Variants in RAB11FIP4 observed in about 807,000 individuals in gnomAD.
The protein encoded by RAB11FIP4 is RAB11 family interacting protein 4.
A neutral mutation model predicts 74.3 loss-of-function variants in RAB11FIP4; 23 were observed. That is an observed-to-expected ratio of 0.31 (90% confidence interval 0.22 to 0.44). The LOEUF is 0.44. RAB11FIP4 is among the 20% of genes least tolerant of loss of function. RAB11FIP4 has a pLI of 1.00. For missense variants in RAB11FIP4, 630 were observed against 863.9 expected (o/e 0.73, Z 3.39); for synonymous variants, 360 against 359.9 (o/e 1.00, Z 0.00).
intron 4 of RAB11FIP4, among the ~76,000 whole-genome samples, chr17:31,518,180 T>G (rs535876514): frequency 6.6e-6 from 1 of 152,158 alleles, no homozygotes; most frequent in South Asian, 2.1e-4. Context: ...ATGAGATATA[T>G]GATCTCAATT....
Position 31,528,490 on chromosome 17 carries a change from AAGCTGCGACAGAACC to A in RAB11FIP4, c.1442_1456del (p.Lys481_Arg486delinsSer). 1.2e-6 allele frequency: 2 copies of A among 1,613,826 alleles called. No homozygotes were observed. The highest frequency in any genetic ancestry group is 1.7e-6 in the Non-Finnish European group (2 of 1,180,038). On this transcript the variant is annotated inframe_deletion, in exon 12 of 15. Transcript: ENST00000621161. ...GGACCTGTACAAGCGCATGATGGACAAGCTGCGACAGAACCGCCTTGAGTTCCAGAAGGAGCGGGA... is the reference window on the plus strand; with the variant it reads ...GGACCTGTACAAGCGCATGATGGACAGCCTTGAGTTCCAGAAGGAGCGGGA...
intron 3 of RAB11FIP4, among the ~76,000 whole-genome samples, chr17:31,450,089 C>T (rs561546897): frequency 6.6e-6 from 1 of 152,154 alleles, no homozygotes; most frequent in African/African-American, 2.4e-5. Flanking sequence ...AACAATGGAA[C>T]TTATCCCTCC....
intron 3 of RAB11FIP4, among the ~76,000 whole-genome samples, chr17:31,501,159 A>C (rs1011206580): frequency 6.6e-6 from 1 of 152,106 alleles, no homozygotes; most frequent in South Asian, 2.1e-4. Flanking sequence ...CAGTATTTCA[A>C]ACTAATCGTG....
At chr17:31,488,302 C>T in intron 3 of RAB11FIP4, 2 of 1,174,030 alleles carry the variant, frequency 1.7e-6, no homozygotes, top group South Asian at 4.2e-5. Context: ...CTGGCGCTCG[C>T]AGGGCTCCGG....
Position 31,459,422 on chromosome 17 carries a change from C to G in RAB11FIP4, c.336+25300C>G, listed in dbSNP as rs114096888. The stretch of plus-strand genomic sequence containing the variant: ...TCACTAGATTCTTAACTCCAGGAGG[C>G]CAGATACTCTCATTCCTCTCTGTAC... On this transcript the variant is annotated intron_variant, in intron 3 of 14. Coordinates refer to ENST00000621161, the MANE Select transcript of RAB11FIP4 (RefSeq NM_032932.6). Among the ~76,000 whole-genome samples, 669 of 152,206 alleles carry G rather than the reference C, an allele frequency of 4.4e-3. 6 individuals carry two copies. The highest frequency in any genetic ancestry group is 0.015 in the African/African-American group (633 of 41,506).
chr17:31,465,645 C>T (rs2071677705), intron 3 of RAB11FIP4: 1 of 151,866 alleles, frequency 6.6e-6, no homozygotes, highest in East Asian at 1.9e-4. Context: ...GATCGGGTAT[C>T]TACACTGAGT....
chr17:31,537,926 T>G lies in RAB11FIP4; in HGVS notation c.*6194T>G, dbSNP rs1464367400. On this transcript the variant is annotated 3_prime_UTR_variant, in exon 15 of 15. Transcript: ENST00000621161. ...GGAATGAACTACACATGTGGCCTCA[T>G]GCCCAAGGGTTTGTTAGATGGCCTC... is the stretch of plus-strand genomic sequence containing the variant. 1 of 152,692 alleles carries G rather than the reference T, an allele frequency of 6.5e-6. No homozygotes were observed. The highest frequency in any genetic ancestry group is 1.9e-4 in the East Asian group (1 of 5,196). The allele number at this position is 152,692 out of a possible 1,614,324, so 9.5% of individuals were successfully genotyped here.
In RAB11FIP4 at chr17:31,521,926, C is replaced by T; in HGVS notation, c.770C>T (p.Thr257Met). The change falls in exon 6 of 15, where the codon ACG becomes ATG. Residue 257 changes from threonine (T) to methionine (M), a missense_variant. Transcript: ENST00000621161. ...GSSVSSSAGQTPRKMRHVYNS... is the reference protein window; with the variant it reads ...GSSVSSSAGQMPRKMRHVYNS... The stretch of plus-strand genomic sequence containing the variant: ...CCCTCATGAATCAGTGCGGGGCAGA[C>T]GCCTAGGAAAATGCGGCACGTGTAC... 6.2e-7 allele frequency: 1 copy of T among 1,614,156 alleles called. No homozygotes were observed. Among genetic ancestry groups the T allele is most frequent in the Non-Finnish European group, 8.5e-7 (1 of 1,180,026 alleles).
At chr17:31,517,519 G>A in intron 3 of RAB11FIP4, 132 bp from the exon 4 acceptor site, 1 of 784,714 alleles carries the variant, frequency 1.3e-6, no homozygotes, top group South Asian at 1.7e-5. Context: ...CCCACGCTTA[G>A]GGTTCGGGAT....
At chr17:31,486,553 C>G (rs2071904163) in intron 3 of RAB11FIP4, among the ~76,000 whole-genome samples, 1 of 152,342 alleles carries the variant, frequency 6.6e-6, no homozygotes, top group Admixed American at 6.5e-5. Context: ...ACTGGGATTA[C>G]AGGCATGAGC....
rs148817689 is a variant in RAB11FIP4, at chr17:31,480,871, G to A, written c.337-36780G>A. ...TCTCTCTATGCCCATACCCTGCTTT[G>A]TTTTTCTTCAGAGCACATATTATAT... On this transcript the variant is annotated intron_variant, in intron 3 of 14. Transcript: ENST00000621161. 1.3e-4 allele frequency among the ~76,000 whole-genome samples: 20 copies of A among 148,702 alleles called. No homozygotes were observed. The East Asian group carries it at 4.0e-3, about 30-fold the overall frequency.
At chr17:31,403,096 G>GC (rs1226164742) in intron 1 of RAB11FIP4, among the ~76,000 whole-genome samples, 43 of 92,772 alleles carry the variant, frequency 4.6e-4, no homozygotes, top group South Asian at 1.2e-3. Context: ...TCACCGCCCC[G>GC]CCCCCCCGCC....
intron 1 of RAB11FIP4, 64 bp downstream of exon 1, chr17:31,392,075 A>G (rs1483951784): frequency 4.9e-6 from 4 of 815,170 alleles, no homozygotes; most frequent in Non-Finnish European, 5.5e-6. Flanking sequence ...CCCCTCCCCC[A>G]GCTCCCCCGC....
Position 31,531,765 on chromosome 17 carries a change from C to G in RAB11FIP4, c.*33C>G, listed in dbSNP as rs2072875972. The G allele has an allele frequency of 9.6e-6, 14 of 1,460,662 alleles. No individual in the cohort carries two copies. Among genetic ancestry groups the G allele is most frequent in the Non-Finnish European group, 1.3e-5 (14 of 1,041,532 alleles). The allele number at this position is 1,460,662 out of a possible 1,614,324, so 90.5% of individuals were successfully genotyped here. On this transcript the variant is annotated 3_prime_UTR_variant, in exon 15 of 15. Transcript: ENST00000621161. ...GGCTGGCTGCAGAGCAGCCTTAGGA[C>G]CCTGGGACCAAGGGCAGACCCTGCC...
intron 3 of RAB11FIP4, among the ~76,000 whole-genome samples, chr17:31,461,595 G>C (rs2071634297): frequency 6.6e-6 from 1 of 152,124 alleles, no homozygotes; most frequent in Non-Finnish European, 1.5e-5. Context: ...TTCCTAGTGT[G>C]GTCCATGGAC....
At chr17:31,400,431 C>T (rs2070974047) in intron 1 of RAB11FIP4, among the ~76,000 whole-genome samples, 1 of 152,162 alleles carries the variant, frequency 6.6e-6, no homozygotes, top group Non-Finnish European at 1.5e-5. Flanking sequence ...CCTGCAGGGG[C>T]TTTGGCTTTC....
intron 4 of RAB11FIP4, among the ~76,000 whole-genome samples, chr17:31,519,883 C>T (rs895589916): frequency 5.3e-5 from 8 of 151,440 alleles, no homozygotes; most frequent in Non-Finnish European, 8.8e-5. Context: ...GAGGCTGAGG[C>T]GGGCAGATCA....
At chr17:31,505,589 TTA>T (rs2072321525) in intron 3 of RAB11FIP4, among the ~76,000 whole-genome samples, 1 of 75,776 alleles carries the variant, frequency 1.3e-5, no homozygotes, top group South Asian at 3.1e-4. Flanking sequence ...ATAATAATAA[TTA>T]TATATTATAT....
intron 3 of RAB11FIP4, among the ~76,000 whole-genome samples, chr17:31,505,558 A>AGTT (rs1567681275): frequency 5.4e-5 from 4 of 73,802 alleles, no homozygotes; most frequent in Admixed American, 2.3e-4. Flanking sequence ...ATATAATAAT[A>AGTT]ATTATAATAT....
Sources: allele counts gnomAD v4.1 joint callset (sites outside exome capture counted in the v4.1 genomes callset), GRCh38; gene constraint gnomAD v4.1.1; transcripts MANE v1.5; gene names NCBI Gene and HGNC (gene_info 2026-07-23, HGNC 2026-07-21).